Variants in PLEKHG1 observed in about 807,000 individuals in gnomAD.
PLEKHG1 encodes pleckstrin homology and RhoGEF domain containing G1, also known as pleckstrin homology domain-containing family G member 1.
A neutral mutation model predicts 100.8 loss-of-function variants in PLEKHG1; 44 were observed. The observed-to-expected ratio is 0.44, with a 90% CI of 0.34 to 0.56. PLEKHG1 has a LOEUF of 0.56. Ranked by LOEUF, PLEKHG1 falls within the 20% of genes least tolerant of loss-of-function variation. PLEKHG1 has a pLI of 0.01. For synonymous variants in PLEKHG1, 640 were observed against 662.5 expected (o/e 0.97, Z 0.52); for missense variants, 1,545 against 1,720.9 (o/e 0.90, Z 1.81).
intron 1 of PLEKHG1, among the ~76,000 whole-genome samples, chr6:150,610,469 C>T (rs773522209): frequency 6.6e-6 from 1 of 152,230 alleles, no homozygotes; most frequent in Non-Finnish European, 1.5e-5. Flanking sequence ...CACTAGACTA[C>T]AAGCTCCTTG....
exon 2 of PLEKHG1, chr6:150,733,661 T>G (rs1263759863): frequency 3.1e-6 from 5 of 1,614,074 alleles, no homozygotes; most frequent in Non-Finnish European, 3.4e-6. Flanking sequence ...CAGGCGTTCC[T>G]GCCCTCAAGA....
At chr6:150,743,879 T>A (rs1433791421) in intron 2 of PLEKHG1, among the ~76,000 whole-genome samples, 1 of 152,162 alleles carries the variant, frequency 6.6e-6, no homozygotes. Flanking sequence ...GCAGGGATTG[T>A]GCTTATCTTG....
intron 15 of PLEKHG1, among the ~76,000 whole-genome samples, chr6:150,836,239 G>C (rs1276060773): frequency 6.6e-6 from 1 of 152,070 alleles, no homozygotes; most frequent in Admixed American, 6.6e-5. Context: ...TTAGCCAAGC[G>C]TGGTGGCGGG....
chr6:150,750,010 T>A (rs961797920), intron 2 of PLEKHG1, among the ~76,000 whole-genome samples: 3 of 148,068 alleles, frequency 2.0e-5, no homozygotes, highest in African/African-American at 7.8e-5. Flanking sequence ...AGGCTGAGGT[T>A]GCAGTAAGCT....
At chr6:150,675,414 A>G (rs888262082) in intron 3 of PLEKHG1, among the ~76,000 whole-genome samples, 7 of 152,212 alleles carry the variant, frequency 4.6e-5, no homozygotes, top group Non-Finnish European at 7.3e-5. Flanking sequence ...TTCATCACAC[A>G]TGCTCATCCA....
At chr6:150,763,863 C>A (rs1196537805) in intron 2 of PLEKHG1, among the ~76,000 whole-genome samples, 1 of 152,182 alleles carries the variant, frequency 6.6e-6, no homozygotes, top group Non-Finnish European at 1.5e-5. Context: ...GCAGCTTCCT[C>A]CTTAAGGTGG....
intron 2 of PLEKHG1, among the ~76,000 whole-genome samples, chr6:150,649,722 C>T (rs1440242813): frequency 1.3e-5 from 2 of 150,002 alleles, no homozygotes; most frequent in East Asian, 2.0e-4. Flanking sequence ...ACTAAAAATA[C>T]AAAAAATGGC....
intron 2 of PLEKHG1, among the ~76,000 whole-genome samples, chr6:150,755,308 C>T (rs1166876429): frequency 1.3e-5 from 2 of 152,310 alleles, no homozygotes; most frequent in African/African-American, 4.8e-5. Context: ...CAGGTCTCCC[C>T]TGACAATAAT....
At chr6:150,789,233 G>A (rs979882) in intron 4 of PLEKHG1, among the ~76,000 whole-genome samples, 103,581 of 152,058 alleles carry the variant, frequency 0.68, 36,047 homozygotes, top group East Asian at 0.91. Context: ...TGTCATCTCT[G>A]ATTACAATTT....
At chr6:150,730,507 G>A (rs960431099) in intron 1 of PLEKHG1, among the ~76,000 whole-genome samples, 2 of 152,144 alleles carry the variant, frequency 1.3e-5, no homozygotes, top group African/African-American at 4.8e-5. Context: ...CTGAAAGGAG[G>A]CAGAGCCCAG....
chr6:150,702,652 T>C (rs1420991106), intron 3 of PLEKHG1, among the ~76,000 whole-genome samples: 2 of 151,672 alleles, frequency 1.3e-5, no homozygotes, highest in East Asian at 1.9e-4. Flanking sequence ...TTAAATCACC[T>C]AGTGTAATCC....
At chr6:150,779,702 C>T (rs1785201568) in intron 3 of PLEKHG1, among the ~76,000 whole-genome samples, 1 of 151,730 alleles carries the variant, frequency 6.6e-6, no homozygotes, top group African/African-American at 2.4e-5. Flanking sequence ...CGTGGTGGCT[C>T]ACGCCCGTAT....
At chr6:150,609,192 C>G (rs1468233948) in intron 1 of PLEKHG1, among the ~76,000 whole-genome samples, 1 of 152,234 alleles carries the variant, frequency 6.6e-6, no homozygotes, top group Non-Finnish European at 1.5e-5. Flanking sequence ...TTATTCAACA[C>G]ATGTCCCTTT....
At chr6:150,800,986 C>G (rs1357036960) in intron 6 of PLEKHG1, 117 bp downstream of exon 7, 11 of 798,102 alleles carry the variant, frequency 1.4e-5, no homozygotes, top group Non-Finnish European at 1.6e-5. Flanking sequence ...TTCCCACACT[C>G]ATATTTCACA....
At chr6:150,829,857 TGG>T (rs1401589319) in intron 14 of PLEKHG1, among the ~76,000 whole-genome samples, 1 of 152,022 alleles carries the variant, frequency 6.6e-6, no homozygotes, top group Non-Finnish European at 1.5e-5. Context: ...TTGGAGTGTG[TGG>T]TCGGGTCAGC....
chr6:150,829,036 ACTC>A (rs1429371817), intron 14 of PLEKHG1, among the ~76,000 whole-genome samples: 4 of 152,088 alleles, frequency 2.6e-5, no homozygotes, highest in South Asian at 4.2e-4. Context: ...TTGTCTCTCT[ACTC>A]CTCTCTTCCC....
intron 3 of PLEKHG1, among the ~76,000 whole-genome samples, chr6:150,712,978 C>T (rs1800122391): frequency 6.6e-6 from 1 of 152,202 alleles, no homozygotes; most frequent in African/African-American, 2.4e-5. Context: ...TAGTTTACAT[C>T]GGCAACGTCC....
intron 1 of PLEKHG1, among the ~76,000 whole-genome samples, chr6:150,616,387 A>G (rs956721437): frequency 6.6e-6 from 1 of 152,234 alleles, no homozygotes; most frequent in African/African-American, 2.4e-5. Flanking sequence ...GGAAGGTACC[A>G]TTAGAAGATG....
chr6:150,698,823 A>T (rs1048222726), intron 3 of PLEKHG1, among the ~76,000 whole-genome samples: 1 of 152,216 alleles, frequency 6.6e-6, no homozygotes, highest in Non-Finnish European at 1.5e-5. Flanking sequence ...AAGCATTTGT[A>T]TCTGCAAATG....
Sources: gnomAD v4.1 joint callset for allele counts (sites outside exome capture counted in the v4.1 genomes callset) on GRCh38, gnomAD v4.1.1 for gene constraint, MANE v1.5 for transcripts, NCBI Gene and HGNC (gene_info 2026-07-23, HGNC 2026-07-21) for gene names.